The following IGBP1C variants were observed in gnomAD, a reference collection of about 807,000 sequenced individuals.
IGBP1C encodes the protein IGBP1 family member C, also known as immunoglobulin-binding protein 1 family member C.
At chr17:58,661,307 CG>C in the IGBP1C span, 1 of 826,886 alleles carries the variant, frequency 1.2e-6, no homozygotes. Context: ...TAGACGCTTA[CG>C]GGGGTTGACT....
At chr17:58,668,532 T>C in the IGBP1C span, among the ~76,000 whole-genome samples, 1 of 152,196 alleles carries the variant, frequency 6.6e-6, no homozygotes, top group Non-Finnish European at 1.5e-5. Flanking sequence ...GGAGAAGAAC[T>C]TCACACACCT....
the IGBP1C span, among the ~76,000 whole-genome samples, chr17:58,688,390 G>A: frequency 6.6e-6 from 1 of 152,252 alleles, no homozygotes; most frequent in Non-Finnish European, 1.5e-5. Context: ...AAAGTGATGG[G>A]ATTACAGGTG....
chr17:58,676,377 A>T, the IGBP1C span, among the ~76,000 whole-genome samples: 1 of 150,564 alleles, frequency 6.6e-6, no homozygotes, highest in East Asian at 2.0e-4. Flanking sequence ...AATCCATCTC[A>T]AAAAAAACCA....
the IGBP1C span, chr17:58,661,252 A>G: frequency 2.5e-6 from 2 of 796,428 alleles, no homozygotes; most frequent in Non-Finnish European, 4.6e-6. Flanking sequence ...AATGGCACTG[A>G]GTTAAGTATT....
the IGBP1C span, among the ~76,000 whole-genome samples, chr17:58,690,470 T>C: frequency 9.1e-4 from 138 of 152,294 alleles, no homozygotes; most frequent in African/African-American, 3.2e-3. Flanking sequence ...CAGGCCAAAG[T>C]AGTTTTGAAC....
the IGBP1C span, among the ~76,000 whole-genome samples, chr17:58,684,340 T>C: frequency 2.6e-5 from 4 of 151,694 alleles, no homozygotes; most frequent in Admixed American, 2.6e-4. Flanking sequence ...TGGGTGCCTG[T>C]AATCCCAGCT....
chr17:58,662,412 A>ATC, the IGBP1C span, among the ~76,000 whole-genome samples: 698 of 96,898 alleles, frequency 7.2e-3, 7 homozygotes, highest in African/African-American at 0.022. Context: ...TAGCACACAT[A>ATC]TCTCACACAC....
chr17:58,672,617 G>A, the IGBP1C span, among the ~76,000 whole-genome samples: 1 of 152,058 alleles, frequency 6.6e-6, no homozygotes, highest in Non-Finnish European at 1.5e-5. Flanking sequence ...TTTATTTTTT[G>A]TATTTTTAGT....
At chr17:58,665,141 A>C in the IGBP1C span, among the ~76,000 whole-genome samples, 2 of 152,082 alleles carry the variant, frequency 1.3e-5, 1 homozygote. Flanking sequence ...CATTTTTAGT[A>C]GCTATATTAT....
At chr17:58,685,581 G>A in the IGBP1C span, among the ~76,000 whole-genome samples, 1 of 151,932 alleles carries the variant, frequency 6.6e-6, no homozygotes, top group African/African-American at 2.4e-5. Context: ...GGCCAAAGTA[G>A]CAGGAGTATA....
At chr17:58,673,886 G>C in the IGBP1C span, among the ~76,000 whole-genome samples, 1 of 152,078 alleles carries the variant, frequency 6.6e-6, no homozygotes, top group Non-Finnish European at 1.5e-5. Context: ...TCATATTATA[G>C]TTAGGACATA....
At chr17:58,672,512 C>A in the IGBP1C span, among the ~76,000 whole-genome samples, 1 of 152,224 alleles carries the variant, frequency 6.6e-6, no homozygotes, top group African/African-American at 2.4e-5. Context: ...CAGCTTGCTG[C>A]AACCTCTGCC....
the IGBP1C span, among the ~76,000 whole-genome samples, chr17:58,678,556 T>C: frequency 8.5e-5 from 13 of 152,050 alleles, no homozygotes; most frequent in Admixed American, 7.2e-4. Flanking sequence ...ACCATCATTC[T>C]GAGCAAACTT....
chr17:58,670,776 A>C, the IGBP1C span, among the ~76,000 whole-genome samples: 3 of 148,086 alleles, frequency 2.0e-5, no homozygotes, highest in African/African-American at 2.5e-5. Context: ...CCCTCTTAAA[A>C]AAAAAAAAAA....
chr17:58,678,206 T>A, the IGBP1C span, among the ~76,000 whole-genome samples: 15 of 152,086 alleles, frequency 9.9e-5, no homozygotes, highest in Non-Finnish European at 2.2e-4. Flanking sequence ...GAAAAGCTTA[T>A]CCAGATGGGC....
chr17:58,670,658 AGCTACTTGAGAGGCT>A, the IGBP1C span, among the ~76,000 whole-genome samples: 1 of 151,020 alleles, frequency 6.6e-6, no homozygotes, highest in South Asian at 2.1e-4. Flanking sequence ...CTGTAATCCC[AGCTACTTGAGAGGCT>A]GAGGCAGGAT....
the IGBP1C span, chr17:58,660,432 T>C: frequency 4.4e-6 from 2 of 456,762 alleles, no homozygotes; most frequent in Non-Finnish European, 7.9e-6. Context: ...AATAATAATT[T>C]AACACTTTAT....
chr17:58,661,047 G>A, the IGBP1C span: 10 of 1,109,964 alleles, frequency 9.0e-6, no homozygotes, highest in African/African-American at 1.5e-5. Context: ...TTATCTGCTT[G>A]ACCACTTTCC....
At chr17:58,682,394 A>G in the IGBP1C span, among the ~76,000 whole-genome samples, 11 of 152,088 alleles carry the variant, frequency 7.2e-5, no homozygotes, top group African/African-American at 2.7e-4. Flanking sequence ...AGTAGCTGGA[A>G]TTACAAGCAC....
Sources: gnomAD v4.1 joint callset for allele counts (sites outside exome capture counted in the v4.1 genomes callset) on GRCh38, gnomAD v4.1.1 for gene constraint, MANE v1.5 for transcripts, NCBI Gene and HGNC (gene_info 2026-07-23, HGNC 2026-07-21) for gene names.